Variants in ADGRL3 observed in about 807,000 individuals in gnomAD.
ADGRL3 encodes the protein adhesion G protein-coupled receptor L3.
Under a neutral mutation model 153.5 loss-of-function variants are expected in ADGRL3, and 62 were observed. That is an observed-to-expected ratio of 0.40 (90% confidence interval 0.33 to 0.50). The LOEUF is 0.50. Ranked by LOEUF, ADGRL3 falls within the 20% of genes least tolerant of loss-of-function variation. The pLI is 0.47. For synonymous variants in ADGRL3, 710 were observed against 672.5 expected, an observed-to-expected ratio of 1.06 and a Z score of -0.86; for missense variants, 1,641 against 1,859.4, an observed-to-expected ratio of 0.88 and a Z score of 2.16.
rs752639623 is a variant in ADGRL3 at position 61,979,795 on chromosome 4, A to G, written c.3015+23A>G. ...CCAGTAAGCAACCTACATTGATACC[A>G]GTGAAGAATTTTTCCACTTCCAGCT... On this transcript the variant is annotated intron_variant, in intron 18 of 26. Transcript: ENST00000683033. The G allele has an allele frequency of 9.4e-6, 15 of 1,594,384 alleles. No individual in the cohort carries two copies. In the African/African-American group the frequency reaches 1.7e-4, roughly 19 times the overall value.
chr4:61,665,984 T>A (rs527666786), intron 5 of ADGRL3, among the ~76,000 whole-genome samples: 1 of 152,342 alleles, frequency 6.6e-6, no homozygotes, highest in Non-Finnish European at 1.5e-5. Context: ...ATTATTGTTA[T>A]AAAGCATGAA....
Position 61,641,423 on chromosome 4 carries a change from C to T in ADGRL3, c.474-35403C>T, listed in dbSNP as rs184101572. ...CTAGCGTTAGGTATATCTCCCAATG[C>T]TATCCCTCCCCCCTCCCCCCACCCC... On this transcript the variant is annotated intron_variant, in intron 5 of 26. Transcript: ENST00000683033. Among the ~76,000 whole-genome samples, 1,110 of 145,734 alleles carry T rather than the reference C, an allele frequency of 7.6e-3. 15 individuals are homozygous for T. The highest frequency in any genetic ancestry group is 0.027 in the African/African-American group (1,057 of 39,328).
chr4:61,657,090 G>A (rs1445356064), intron 5 of ADGRL3, among the ~76,000 whole-genome samples: 1 of 152,082 alleles, frequency 6.6e-6, no homozygotes, highest in Non-Finnish European at 1.5e-5. Flanking sequence ...AAATACAGTA[G>A]CCAATAAAAA....
chr4:61,930,743 T>TTCCCA (rs767302902), intron 13 of ADGRL3, among the ~76,000 whole-genome samples: 8 of 152,096 alleles, frequency 5.3e-5, no homozygotes, highest in Non-Finnish European at 8.8e-5. Flanking sequence ...TTTTGGCTCT[T>TTCCCA]TCCCATTTAT....
intron 1 of ADGRL3, among the ~76,000 whole-genome samples, chr4:61,266,768 A>T (rs896371896): frequency 6.6e-6 from 1 of 151,898 alleles, no homozygotes; most frequent in Middle Eastern, 3.4e-3. Context: ...TAATACAAAC[A>T]TCTTTTTGTT....
chr4:61,590,984 C>G (rs60292807), intron 5 of ADGRL3, among the ~76,000 whole-genome samples: 1 of 152,088 alleles, frequency 6.6e-6, no homozygotes, highest in African/African-American at 2.4e-5. Flanking sequence ...GTATATCATA[C>G]GTGTACACCT....
At chr4:61,452,610 G>A (rs1649737750) in intron 2 of ADGRL3, among the ~76,000 whole-genome samples, 1 of 152,154 alleles carries the variant, frequency 6.6e-6, no homozygotes, top group African/African-American at 2.4e-5. Context: ...CTCAGCTCTT[G>A]TCAAGCATTA....
intron 4 of ADGRL3, among the ~76,000 whole-genome samples, chr4:61,577,364 C>T (rs1054772992): frequency 6.6e-6 from 1 of 151,954 alleles, no homozygotes; most frequent in African/African-American, 2.4e-5. Context: ...TAACTGTGAC[C>T]TCCATTCATT....
At chr4:61,611,500 G>A (rs1176788524) in intron 5 of ADGRL3, among the ~76,000 whole-genome samples, 1 of 152,100 alleles carries the variant, frequency 6.6e-6, no homozygotes, top group Non-Finnish European at 1.5e-5. Context: ...ATGAGTATTA[G>A]CAAGCTGTCA....
chr4:61,436,462 G>A (rs2097447001), intron 2 of ADGRL3, among the ~76,000 whole-genome samples: 1 of 152,178 alleles, frequency 6.6e-6, no homozygotes, highest in Non-Finnish European at 1.5e-5. Flanking sequence ...TAGTCTAGTA[G>A]GGAAAGGTCA....
rs985182353 is a variant in ADGRL3, at chr4:61,733,566, C to A, written c.1399+12C>A. 2.6e-6 allele frequency: 4 copies of A among 1,565,342 alleles called. No individual in the cohort carries two copies. The highest frequency in any genetic ancestry group is 2.7e-5 in the African/African-American group (2 of 73,564). On this transcript the variant is annotated intron_variant, in intron 8 of 26. Coordinates refer to ENST00000683033, the MANE Select transcript of ADGRL3 (RefSeq NM_001387552.1). ...GGATAGTAGATCAGGTAAGTTCAAC[C>A]TTTTGTGGTACTCTTTGGGGAAATA...
chr4:61,608,235 C>T (rs1407839805), intron 5 of ADGRL3, among the ~76,000 whole-genome samples: 1 of 152,192 alleles, frequency 6.6e-6, no homozygotes. Flanking sequence ...CAATCTTGTT[C>T]CATCTGATCC....
intron 4 of ADGRL3, among the ~76,000 whole-genome samples, chr4:61,554,169 G>GTATTTTATTTTATTT (rs71211394): frequency 0.24 from 32,873 of 138,574 alleles, 4,418 homozygotes; most frequent in East Asian, 0.49. Context: ...CCTAACTTAG[G>GTATTTTATTTTATTT]TATTTTATTT....
chr4:61,455,240 A>G (rs1172789059), intron 2 of ADGRL3, among the ~76,000 whole-genome samples: 2 of 152,194 alleles, frequency 1.3e-5, no homozygotes, highest in East Asian at 3.8e-4. Context: ...ATGAAGGTTG[A>G]GGGAGTGGAC....
chr4:61,400,034 T>A (rs1182162689), intron 2 of ADGRL3, among the ~76,000 whole-genome samples: 1 of 151,732 alleles, frequency 6.6e-6, no homozygotes, highest in Non-Finnish European at 1.5e-5. Flanking sequence ...ATCAAAATAA[T>A]CAGCAAGAGA....
intron 6 of ADGRL3, among the ~76,000 whole-genome samples, chr4:61,720,431 T>C (rs1330777514): frequency 3.3e-5 from 5 of 152,230 alleles, no homozygotes; most frequent in Non-Finnish European, 7.3e-5. Context: ...GTTACTGATA[T>C]TAACTTTCAA....
intron 9 of ADGRL3, among the ~76,000 whole-genome samples, chr4:61,831,375 A>T (rs895479157): frequency 6.7e-6 from 1 of 149,720 alleles, no homozygotes; most frequent in Non-Finnish European, 1.5e-5. Flanking sequence ...ACAGCTAAAA[A>T]ACGTCATGAA....
intron 8 of ADGRL3, among the ~76,000 whole-genome samples, chr4:61,764,414 T>G (rs1464987994): frequency 5.2e-5 from 6 of 115,570 alleles, no homozygotes; most frequent in East Asian, 2.7e-4. Flanking sequence ...CGGGTAGGAG[T>G]GGGGGTTGCA....
At chr4:61,896,896 C>A (rs912107277) in intron 11 of ADGRL3, among the ~76,000 whole-genome samples, 1 of 152,152 alleles carries the variant, frequency 6.6e-6, no homozygotes, top group Non-Finnish European at 1.5e-5. Context: ...AGTAGCATAT[C>A]TCCCTACATT....
Sources: gnomAD v4.1 joint callset for allele counts (sites outside exome capture counted in the v4.1 genomes callset) on GRCh38, gnomAD v4.1.1 for gene constraint, MANE v1.5 for transcripts, NCBI Gene and HGNC (gene_info 2026-07-23, HGNC 2026-07-21) for gene names.